The following REPS2 variants were observed in gnomAD, a reference collection of about 807,000 sequenced individuals.
The protein encoded by REPS2 is ralBP1-associated Eps domain-containing protein 2.
REPS2 carries 23 observed loss-of-function variants against 53.6 expected under a neutral mutation model. That is an observed-to-expected ratio of 0.43 (90% CI 0.31 to 0.61). REPS2 has a LOEUF of 0.61. Ranked by LOEUF, REPS2 falls within the 20% of genes least tolerant of loss-of-function variation. The pLI is 0.11. For missense variants in REPS2, 446 were observed against 534.9 expected (o/e 0.83, Z 1.64); for synonymous variants, 238 against 218.6 (o/e 1.09, Z -0.78).
chrX:17,106,560 C>T (rs1482909041), intron 14 of REPS2, among the ~76,000 whole-genome samples: 1 of 109,106 alleles, frequency 9.2e-6, no homozygotes, highest in Non-Finnish European at 1.9e-5. Flanking sequence ...ACTACAGGTG[C>T]CTGCCACCAC....
intron 2 of REPS2, among the ~76,000 whole-genome samples, chrX:17,011,432 T>A (rs1025462939): frequency 9.0e-6 from 1 of 111,487 alleles, no homozygotes; most frequent in African/African-American, 3.3e-5. Context: ...GTGTGAGGAC[T>A]GAGGGAAGGT....
At chrX:17,023,734 G>A (rs750010542) in intron 3 of REPS2, among the ~76,000 whole-genome samples, 1 of 111,636 alleles carries the variant, frequency 9.0e-6, no homozygotes, top group Admixed American at 9.5e-5. Flanking sequence ...AGCATTTGGA[G>A]AGGAATGAGG....
intron 14 of REPS2, among the ~76,000 whole-genome samples, chrX:17,108,330 C>A (rs753894229): frequency 9.1e-6 from 1 of 110,184 alleles, no homozygotes; most frequent in Admixed American, 9.7e-5. Context: ...TGCACCACCA[C>A]GCCCGGCTAA....
the REPS2 span, among the ~76,000 whole-genome samples, chrX:17,181,852 A>G: frequency 5.0e-4 from 56 of 111,716 alleles, no homozygotes; most frequent in African/African-American, 1.8e-3. Flanking sequence ...TCACATGGGT[A>G]TTTTCTTGGC....
chrX:16,992,092 C>G (rs926461516), intron 1 of REPS2, among the ~76,000 whole-genome samples: 1 of 111,515 alleles, frequency 9.0e-6, no homozygotes, highest in Non-Finnish European at 1.9e-5. Flanking sequence ...ATTTGTGTCT[C>G]CCCCAAATTC....
chrX:17,113,905 G>C (rs768089327), intron 14 of REPS2, among the ~76,000 whole-genome samples: 13 of 112,175 alleles, frequency 1.2e-4, no homozygotes, highest in Middle Eastern at 4.6e-3. Flanking sequence ...ATTTATTTTA[G>C]TATTATAAAA....
intron 6 of REPS2, among the ~76,000 whole-genome samples, chrX:17,049,246 TA>T (rs1239037676): frequency 9.0e-6 from 1 of 111,671 alleles, no homozygotes; most frequent in Non-Finnish European, 1.9e-5. Flanking sequence ...TACTTATATA[TA>T]AAAAAAAGTT....
the REPS2 span, among the ~76,000 whole-genome samples, chrX:17,196,335 T>G: frequency 8.9e-6 from 1 of 111,801 alleles, no homozygotes; most frequent in East Asian, 2.8e-4. Flanking sequence ...CTTAGATGGT[T>G]ACTATGGTCT....
intron 13 of REPS2, among the ~76,000 whole-genome samples, chrX:17,096,659 C>CAAA (rs1181603042): frequency 4.6e-4 from 8 of 17,319 alleles, no homozygotes; most frequent in African/African-American, 1.5e-3. Context: ...GACTCCGTCT[C>CAAA]AAAAAAAAAA....
chrX:17,170,870 G>T, the REPS2 span, among the ~76,000 whole-genome samples: 1 of 113,040 alleles, frequency 8.8e-6, no homozygotes, highest in Admixed American at 9.3e-5. Flanking sequence ...CTTTGGAGCT[G>T]TGGCACTGCC....
chrX:17,169,569 C>G, the REPS2 span, among the ~76,000 whole-genome samples: 3 of 111,518 alleles, frequency 2.7e-5, no homozygotes, highest in Non-Finnish European at 3.8e-5. Context: ...GTAGTCCCAG[C>G]TACTTGGGAG....
intron 3 of REPS2, among the ~76,000 whole-genome samples, chrX:17,024,363 GTTTTTTTTTTTTT>G (rs900082438): frequency 1.4e-5 from 1 of 71,691 alleles, no homozygotes; most frequent in Non-Finnish European, 2.5e-5. Flanking sequence ...TACTAGTAAA[GTTTTTTTTTTTTT>G]TTTTTTTTTT....
At chrX:17,099,461 A>G (rs1012601348) in intron 13 of REPS2, among the ~76,000 whole-genome samples, 6 of 111,349 alleles carry the variant, frequency 5.4e-5, no homozygotes, top group Non-Finnish European at 1.1e-4. Flanking sequence ...TATCTACAGT[A>G]TTTTTTTGCT....
rs766880777 is a variant in REPS2 at position 17,067,434 on chromosome X, A to T, written c.1210-968A>T. 2.4e-4 allele frequency among the ~76,000 whole-genome samples: 27 copies of T among 112,130 alleles called. 1 individual carries two copies. The highest frequency in any genetic ancestry group is 3.8e-4 in the Admixed American group (4 of 10,593). On this transcript the variant is annotated intron_variant, in intron 9 of 17. Transcript: ENST00000357277. ...TTTTTTGGTGTGGTGAGAACATTTA[A>T]CATCAACTCCCTTAGCAGTTTTCAA...
chrX:17,033,392 A>C (rs1454269030), intron 5 of REPS2, among the ~76,000 whole-genome samples: 1 of 111,681 alleles, frequency 9.0e-6, no homozygotes, highest in African/African-American at 3.3e-5. Context: ...GTGGATGCTC[A>C]TGACCACATA....
intron 12 of REPS2, among the ~76,000 whole-genome samples, chrX:17,075,010 G>A (rs185313293): frequency 8.9e-6 from 1 of 111,915 alleles, no homozygotes; most frequent in East Asian, 2.8e-4. Flanking sequence ...AAGTCAAAGA[G>A]TTATCCTTTA....
intron 8 of REPS2, among the ~76,000 whole-genome samples, chrX:17,061,645 T>A (rs1374540321): frequency 8.9e-6 from 1 of 112,931 alleles, no homozygotes; most frequent in Non-Finnish European, 1.9e-5. Flanking sequence ...CACAGTCTGC[T>A]TTTCCTCTTT....
At chrX:17,155,056 A>T (rs2063601848), downstream of REPS2, among the ~76,000 whole-genome samples, 1 of 112,426 alleles carries the variant, frequency 8.9e-6, no homozygotes, top group South Asian at 3.7e-4. Flanking sequence ...TCTCATGTGG[A>T]TGTAATAGAT....
chrX:16,957,311 G>C lies in REPS2; in HGVS notation c.273+10177G>C, dbSNP rs113411756. Among the ~76,000 whole-genome samples the C allele has an allele frequency of 5.0e-3, 552 of 110,565 alleles. 3 individuals carry two copies. Among genetic ancestry groups the C allele is most frequent in the African/African-American group, 0.017 (530 of 30,377 alleles). On this transcript the variant is annotated intron_variant, in intron 1 of 17. Transcript: ENST00000357277. ...TGTAGTCCTGGCTACTTGGTAGGCT[G>C]AGGCAGGAGAATTGCTTGAATCCGG...
Sources: allele counts gnomAD v4.1 joint callset (sites outside exome capture counted in the v4.1 genomes callset), GRCh38; gene constraint gnomAD v4.1.1; transcripts MANE v1.5; gene names NCBI Gene and HGNC (gene_info 2026-07-23, HGNC 2026-07-21).